The following NF1 variants were observed in gnomAD, a reference collection of about 807,000 sequenced individuals.
NF1 encodes neurofibromin 1.
NF1 carries 122 observed loss-of-function variants against 325.7 expected under a neutral mutation model. That is an observed-to-expected ratio of 0.37 (90% CI 0.32 to 0.44). The LOEUF (loss-of-function observed/expected upper bound fraction) is 0.44, where lower values mean the gene tolerates loss of function less well. Ranked by LOEUF, NF1 falls within the 20% of genes least tolerant of loss-of-function variation. The pLI is 1.00. For synonymous variants in NF1, 1,091 were observed against 1,186.0 expected (o/e 0.92, Z 1.65); for missense variants, 2,140 against 3,415.4 (o/e 0.63, Z 9.31).
chr17:31,344,915 G>T (rs1017989834), intron 48 of NF1, among the ~76,000 whole-genome samples: 2 of 152,130 alleles, frequency 1.3e-5, no homozygotes, highest in African/African-American at 4.8e-5. Context: ...TTGAAGGCAG[G>T]AGTTCAAGAC....
chr17:31,168,752 A>G (rs1857745259), intron 4 of NF1, among the ~76,000 whole-genome samples: 1 of 152,120 alleles, frequency 6.6e-6, no homozygotes, highest in African/African-American at 2.4e-5. Context: ...TTGGATTTCG[A>G]TGTTATCAGC....
Position 31,243,394 on chromosome 17 carries a change from G to A in NF1, c.3975-5590G>A, listed in dbSNP as rs558295533. Among the ~76,000 whole-genome samples the A allele has an allele frequency of 5.9e-5, 9 of 151,594 alleles. No individual in the cohort carries two copies. The South Asian group carries it at 8.4e-4, about 14-fold the overall frequency. On this transcript the variant is annotated intron_variant, in intron 29 of 57. Transcript: ENST00000358273. ...AACCCAGCCAGGCTTGCGTCCTTTC[G>A]TTCAGGCAGTGAGTTCTCCGTGGGT... is the stretch of plus-strand genomic sequence containing the variant.
chr17:31,313,900 T>C (rs1597812666), intron 36 of NF1: 1 of 395,638 alleles, frequency 2.5e-6, no homozygotes, highest in African/African-American at 2.1e-5. Context: ...AGAGTTTAAG[T>C]TTAAAACACT....
At position 31,229,856 on chromosome 17, in the gene NF1, A is replaced by G; in HGVS notation, c.2872A>G (p.Thr958Ala). 1 of 1,611,770 alleles carries G rather than the reference A, an allele frequency of 6.2e-7. No homozygotes were observed. Among genetic ancestry groups the G allele is most frequent in the Non-Finnish European group, 8.5e-7 (1 of 1,179,696 alleles). Reference protein sequence around the residue: ...QGQVLLTDTNTQFVEQTIAIM... With the variant: ...QGQVLLTDTNAQFVEQTIAIM... ...TTAGGTTTTATTGACTGATACCAAT[A>G]CTCAATTTGTAGAACAAACCATAGC... Residue 958 changes from threonine (T) to alanine (A), a missense_variant, in exon 22 of 58, where the codon ACT becomes GCT. Around this residue, in one of 10 missense-constraint regions of NF1, gnomAD observed 380 missense variants for 639.3 expected, o/e 0.59. Coordinates refer to ENST00000358273, the MANE Select transcript of NF1 (RefSeq NM_001042492.3).
At chr17:31,255,340 A>G (rs1196135680) in intron 31 of NF1, among the ~76,000 whole-genome samples, 2 of 152,052 alleles carry the variant, frequency 1.3e-5, no homozygotes, top group African/African-American at 4.8e-5. Context: ...TCCAAATTAG[A>G]TTTTTATGGA....
Position 31,206,424 on chromosome 17 carries a change from T to A in NF1, c.1392+53T>A, listed in dbSNP as rs1597689210. On this transcript the variant is annotated intron_variant, in intron 12 of 57. Transcript: ENST00000358273. ...CACCTCCTTTCTATTGCATTTTTTT[T>A]AGTGTCTTTATCCTATTCCTGCTGC... 54 of 1,605,536 alleles carry A rather than the reference T, an allele frequency of 3.4e-5. No individual in the cohort carries two copies. The South Asian group carries it at 5.5e-4, about 16-fold the overall frequency.
At chr17:31,337,753 A>G in intron 43 of NF1, 66 bp from the exon 44 acceptor site, 1 of 1,537,380 alleles carries the variant, frequency 6.5e-7, no homozygotes. Flanking sequence ...CATCATAATA[A>G]ACATTATTTA....
chr17:31,103,386 G>A (rs1205344727), intron 1 of NF1, among the ~76,000 whole-genome samples: 1 of 151,742 alleles, frequency 6.6e-6, no homozygotes, highest in African/African-American at 2.4e-5. Context: ...GGGATTACAG[G>A]CGTGTGCCAC....
intron 36 of NF1, among the ~76,000 whole-genome samples, chr17:31,317,194 C>A (rs867757222): frequency 1.6e-4 from 25 of 152,216 alleles, no homozygotes; most frequent in South Asian, 1.0e-3. Flanking sequence ...GTGGCCTGAT[C>A]TTAGCCCTGT....
intron 1 of NF1, among the ~76,000 whole-genome samples, chr17:31,099,713 C>A (rs1392956466): frequency 6.6e-6 from 1 of 152,046 alleles, no homozygotes; most frequent in East Asian, 1.9e-4. Context: ...GCGCCCACCA[C>A]CACGCCTGCC....
At chr17:31,161,786 A>G (rs896695409) in intron 3 of NF1, among the ~76,000 whole-genome samples, 7 of 152,216 alleles carry the variant, frequency 4.6e-5, no homozygotes, top group African/African-American at 1.7e-4. Flanking sequence ...CTGGAATCCC[A>G]GCACTTTGGG....
chr17:31,156,063 C>T lies in NF1; in HGVS notation c.141C>T (p.Ser47=), dbSNP rs1597626009. Residue 47 remains serine, a synonymous_variant, in exon 2 of 58, where the codon TCC becomes TCT. Transcript: ENST00000358273. ...EHNKECLINI[S]KYKFSLVISG... ...ACAAGGAATGTCTAATCAATATTTC[C>T]AAATACAAGTTTTCTTTGGTTATAA... 1 of 1,613,414 alleles carries T rather than the reference C, an allele frequency of 6.2e-7. No individual in the cohort carries two copies. Among genetic ancestry groups the T allele is most frequent in the South Asian group, 1.1e-5 (1 of 91,064 alleles).
chr17:31,148,756 CTTTATACCATTAAATAATTAGATACA>C (rs1366464720), intron 1 of NF1, among the ~76,000 whole-genome samples: 3 of 152,104 alleles, frequency 2.0e-5, no homozygotes, highest in Non-Finnish European at 4.4e-5. Flanking sequence ...TAGTTCCTCT[CTTTATACCATTAAATAATTAGATACA>C]TTTATACCAT....
In NF1 at chr17:31,206,263, G is replaced by C. The variant is rs2143913823; in HGVS notation, c.1284G>C (p.Lys428Asn). 6.2e-7 allele frequency: 1 copy of C among 1,613,846 alleles called. No homozygotes were observed. The highest frequency in any genetic ancestry group is 8.5e-7 in the Non-Finnish European group (1 of 1,179,772). Reference sequence around the variant, plus strand: ...AGTCCGCATTGGATTGGTGGCCTAAGATTGATGCTGTGTATTGTCACTCGG... The same window carrying C: ...AGTCCGCATTGGATTGGTGGCCTAACATTGATGCTGTGTATTGTCACTCGG... ...ITNSALDWWP[K>N]IDAVYCHSVE... Residue 428 changes from lysine (K) to asparagine (N), a missense_variant, in exon 12 of 58, where the codon AAG becomes AAC. By Grantham distance (94) the Lys-to-Asn change is moderately conservative. Coordinates refer to ENST00000358273, the MANE Select transcript of NF1 (RefSeq NM_001042492.3).
At chr17:31,345,170 C>A (rs2069939205) in intron 48 of NF1, among the ~76,000 whole-genome samples, 1 of 152,138 alleles carries the variant, frequency 6.6e-6, no homozygotes, top group Admixed American at 6.5e-5. Flanking sequence ...ATGTTCAAAT[C>A]ACCTATTTTT....
At chr17:31,329,090 G>T (rs1321610576) in intron 38 of NF1, among the ~76,000 whole-genome samples, 1 of 152,196 alleles carries the variant, frequency 6.6e-6, no homozygotes, top group African/African-American at 2.4e-5. Context: ...GAGCTCAGGA[G>T]TTCAAGGCTG....
At chr17:31,182,396 G>C in intron 7 of NF1, 112 bp from the exon 8 acceptor site, 1 of 992,786 alleles carries the variant, frequency 1.0e-6, no homozygotes, top group Non-Finnish European at 1.5e-6. Flanking sequence ...GAAGTTCCAT[G>C]TTTATCTTTT....
At chr17:31,228,608 C>A (rs1398920787) in intron 20 of NF1, among the ~76,000 whole-genome samples, 6 of 151,994 alleles carry the variant, frequency 3.9e-5, no homozygotes, top group African/African-American at 9.7e-5. Context: ...CCTCTAACCA[C>A]CCCCCACCCA....
chr17:31,328,463 A>G (rs900855234), intron 38 of NF1, among the ~76,000 whole-genome samples: 1 of 152,218 alleles, frequency 6.6e-6, no homozygotes, highest in African/African-American at 2.4e-5. Flanking sequence ...TCAGATATCT[A>G]GTTTCCTTAT....
Sources: gnomAD v4.1 joint callset for allele counts (sites outside exome capture counted in the v4.1 genomes callset) on GRCh38, gnomAD v4.1.1 for gene constraint, gnomAD v4.1.1 regional missense constraint, MANE v1.5 for transcripts, NCBI Gene and HGNC (gene_info 2026-07-23, HGNC 2026-07-21) for gene names.